THNSL1: variants seen among roughly 807,000 people sequenced by gnomAD.
THNSL1 encodes threonine synthase-like 1.
In THNSL1, 48 loss-of-function variants were observed where a neutral mutation model predicts 50.4. The ratio of observed to expected loss-of-function variants is 0.95; its 90% CI spans 0.76 to 1.21. The LOEUF is 1.21. Ranked by LOEUF, THNSL1 falls within the 50% of genes most tolerant of loss-of-function variation. The pLI, the probability that THNSL1 is intolerant of heterozygous loss-of-function variation, is 0.00. For missense variants in THNSL1, 896 were observed against 871.7 expected, an observed-to-expected ratio of 1.03 and a Z score of -0.35; for synonymous variants, 309 against 306.1, an observed-to-expected ratio of 1.01 and a Z score of -0.10.
At chr10:24,977,146 A>G in the THNSL1 span, among the ~76,000 whole-genome samples, 3 of 152,366 alleles carry the variant, frequency 2.0e-5, no homozygotes, top group South Asian at 6.2e-4. Flanking sequence ...GCTTACATTC[A>G]TACATGATGC....
the THNSL1 span, among the ~76,000 whole-genome samples, chr10:24,993,628 A>T: frequency 0.016 from 2,498 of 152,342 alleles, 88 homozygotes; most frequent in African/African-American, 0.055. Context: ...CCAATGATAG[A>T]TCTTTAAAAC....
the THNSL1 span, among the ~76,000 whole-genome samples, chr10:24,978,829 C>T: frequency 6.6e-6 from 1 of 152,038 alleles, no homozygotes; most frequent in Non-Finnish European, 1.5e-5. Context: ...AGTTATAGAC[C>T]ATTAGGACTG....
At chr10:25,007,335 C>T in the THNSL1 span, among the ~76,000 whole-genome samples, 4 of 152,210 alleles carry the variant, frequency 2.6e-5, no homozygotes. Context: ...ATATTTTCTT[C>T]TCTCAACATT....
chr10:25,001,987 GTTCT>G, the THNSL1 span, among the ~76,000 whole-genome samples: 3 of 152,012 alleles, frequency 2.0e-5, no homozygotes, highest in Non-Finnish European at 4.4e-5. Context: ...TCTTTCTGGT[GTTCT>G]TTAAATTTCT....
chr10:25,020,610 T>G (rs771133681), intron 1 of THNSL1, among the ~76,000 whole-genome samples: 2 of 151,734 alleles, frequency 1.3e-5, no homozygotes, highest in Non-Finnish European at 1.5e-5. Flanking sequence ...CTAGAAAACC[T>G]ACAAAAATTA....
the THNSL1 span, among the ~76,000 whole-genome samples, chr10:24,975,932 A>T: frequency 6.6e-6 from 1 of 152,258 alleles, no homozygotes; most frequent in African/African-American, 2.4e-5. Flanking sequence ...TTGATTCTTC[A>T]TGATAGTCAT....
At chr10:25,019,637 A>G (rs1193345491) in intron 1 of THNSL1, among the ~76,000 whole-genome samples, 1 of 152,228 alleles carries the variant, frequency 6.6e-6, no homozygotes, top group African/African-American at 2.4e-5. Context: ...ATATGCAAAT[A>G]CTACACCATT....
chr10:25,006,264 G>A, the THNSL1 span, among the ~76,000 whole-genome samples: 4 of 152,094 alleles, frequency 2.6e-5, no homozygotes, highest in Non-Finnish European at 5.9e-5. Flanking sequence ...GGCAACAGTA[G>A]ACTTATGAAA....
At chr10:24,996,218 T>C in the THNSL1 span, among the ~76,000 whole-genome samples, 17 of 151,886 alleles carry the variant, frequency 1.1e-4, no homozygotes, top group Non-Finnish European at 1.5e-5. Flanking sequence ...AGCTCAGGAG[T>C]CTGAGACCAG....
At chr10:25,004,231 T>C in the THNSL1 span, among the ~76,000 whole-genome samples, 13 of 152,212 alleles carry the variant, frequency 8.5e-5, no homozygotes, top group African/African-American at 3.1e-4. Flanking sequence ...AGTGCTGCAA[T>C]GAACCTAGGC....
the THNSL1 span, among the ~76,000 whole-genome samples, chr10:25,009,474 G>T: frequency 6.6e-6 from 1 of 152,206 alleles, no homozygotes; most frequent in African/African-American, 2.4e-5. Context: ...GCATGTTGAT[G>T]TTAGCAGAGA....
chr10:25,007,500 T>C, the THNSL1 span, among the ~76,000 whole-genome samples: 2 of 152,222 alleles, frequency 1.3e-5, no homozygotes, highest in Non-Finnish European at 2.9e-5. Flanking sequence ...AGAGGCGCCA[T>C]CTCGGCTCAC....
the THNSL1 span, chr10:24,995,934 A>G: frequency 7.7e-7 from 1 of 1,300,856 alleles, no homozygotes; most frequent in Non-Finnish European, 1.1e-6. Context: ...TGCTATTTAT[A>G]ATATCCAGAT....
the THNSL1 span, among the ~76,000 whole-genome samples, chr10:24,976,380 C>G: frequency 2.6e-5 from 4 of 152,208 alleles, no homozygotes; most frequent in African/African-American, 7.2e-5. Flanking sequence ...GACCTCACCA[C>G]TGGGATAATG....
rs1267183482 is a variant in THNSL1 at position 25,026,580 on chromosome 10, C to G, written c.*1125C>G. The G allele has an allele frequency of 6.0e-6, 1 of 165,940 alleles. No individual in the cohort carries two copies. Among genetic ancestry groups the G allele is most frequent in the African/African-American group, 2.4e-5 (1 of 41,440 alleles). The allele number at this position is 165,940 out of a possible 1,614,324, so 10.3% of individuals were successfully genotyped here. A position where few individuals can be genotyped will look rare whatever the true frequency, so the allele number is the denominator to read the frequency against. Reference sequence around the variant, plus strand: ...TGATACACATATTTAATTTGTATTCCTTTGTAGTAATACATTTTAACCATG... The same window carrying G: ...TGATACACATATTTAATTTGTATTCGTTTGTAGTAATACATTTTAACCATG... On this transcript the variant is annotated 3_prime_UTR_variant, in exon 3 of 3. Coordinates refer to ENST00000376356, the MANE Select transcript of THNSL1 (RefSeq NM_024838.5).
At chr10:24,963,959 T>TAAAA in the THNSL1 span, among the ~76,000 whole-genome samples, 445 of 152,286 alleles carry the variant, frequency 2.9e-3, 2 homozygotes, top group African/African-American at 0.011. Flanking sequence ...AGTACCCAGG[T>TAAAA]TTGTAAAACG....
chr10:25,001,537 A>G, the THNSL1 span, among the ~76,000 whole-genome samples: 4 of 151,556 alleles, frequency 2.6e-5, no homozygotes, highest in Non-Finnish European at 5.9e-5. Context: ...AGCCTCATTG[A>G]TTCTCTGCTT....
chr10:24,994,954 G>T, the THNSL1 span, among the ~76,000 whole-genome samples: 1 of 152,114 alleles, frequency 6.6e-6, no homozygotes, highest in Non-Finnish European at 1.5e-5. Context: ...CCGGAAGTTG[G>T]AAGTTGCAGT....
the THNSL1 span, among the ~76,000 whole-genome samples, chr10:25,000,857 AT>A: frequency 1.3e-5 from 2 of 151,182 alleles, no homozygotes; most frequent in African/African-American, 4.9e-5. Context: ...CTTGCTTTTC[AT>A]TTTGTTTTGT....
Sources: gnomAD v4.1 joint callset for allele counts (sites outside exome capture counted in the v4.1 genomes callset) on GRCh38, gnomAD v4.1.1 for gene constraint, MANE v1.5 for transcripts, NCBI Gene and HGNC (gene_info 2026-07-23, HGNC 2026-07-21) for gene names.